MCM9: variants seen among roughly 807,000 people sequenced by gnomAD.
The protein encoded by MCM9 is DNA helicase MCM9.
MCM9 carries 55 observed loss-of-function variants against 72.8 expected under a neutral mutation model. The observed-to-expected ratio is 0.76, with a 90% CI of 0.61 to 0.95. The LOEUF is 0.95. Among genes scored for constraint, MCM9 ranks in the 40% least tolerant of loss-of-function variants. The pLI, the probability that MCM9 is intolerant of heterozygous loss-of-function variation, is 0.00. For missense variants in MCM9, 1,279 were observed against 1,377.0 expected (o/e 0.93, Z 1.13); for synonymous variants, 480 against 503.4 (o/e 0.95, Z 0.62).
chr6:118,883,465 G>A (rs36166681), intron 8 of MCM9, among the ~76,000 whole-genome samples: 122,189 of 151,616 alleles, frequency 0.81, 49,685 homozygotes, highest in East Asian at 0.92. Context: ...GAAAAACAAT[G>A]GACTATACAT....
At position 118,935,156 on chromosome 6, in the gene MCM9, G is replaced by T. The variant is rs1221115230; in HGVS notation, c.-415C>A. ...ACTTCCCTGCCCCGGCGGCTCTTCC[G>T]GATGGAGACGAGGCAGCGGGGCGGG... On this transcript the variant is annotated 5_prime_UTR_variant, in exon 1 of 14. Transcript: ENST00000619706. The T allele has an allele frequency of 1.3e-5, 2 of 152,278 alleles. No homozygotes were observed. Among genetic ancestry groups the T allele is most frequent in the South Asian group, 2.1e-4 (1 of 4,832 alleles). The allele number at this position is 152,278 out of a possible 1,614,324, so 9.4% of individuals were successfully genotyped here. A position where few individuals can be genotyped will look rare whatever the true frequency, so the allele number is the denominator to read the frequency against.
chr6:118,931,643 T>G lies in MCM9; in HGVS notation c.81A>C (p.Leu27=). The change falls in exon 3 of 14, where the codon CTA becomes CTC. Residue 27 remains leucine, a synonymous_variant. Transcript: ENST00000619706. The part of the protein sequence containing the change: ...VSEYHKNDIL[L]ILKERDEDAH... ...CATCTTCATCCCTTTCCTTCAAGAT[T>G]AGAAGAATATCATTCTTATGGTATT... 1 of 1,614,114 alleles carries G rather than the reference T, an allele frequency of 6.2e-7. No homozygotes were observed. The highest frequency in any genetic ancestry group is 8.5e-7 in the Non-Finnish European group (1 of 1,180,002).
chr6:118,911,765 T>A lies in MCM9; in HGVS notation c.1035A>T (p.Glu345Asp). ...GATCCCCAACCAATAAAAGATGAGATTCTCCTAGGAAAAAGCAAATACATG... is the reference window on the plus strand; with the variant it reads ...GATCCCCAACCAATAAAAGATGAGAATCTCCTAGGAAAAAGCAAATACATG... ...TDATGTRVRG[E>D]SHLLLVGDPG... Residue 345 changes from glutamate (E) to aspartate (D), a missense_variant, in exon 8 of 14, where the codon GAA becomes GAT. Coordinates refer to ENST00000619706, the MANE Select transcript of MCM9 (RefSeq NM_017696.3). The A allele has an allele frequency of 6.2e-7, 1 of 1,609,922 alleles. No homozygotes were observed. Among genetic ancestry groups the A allele is most frequent in the East Asian group, 2.2e-5 (1 of 44,794 alleles).
intron 3 of MCM9, among the ~76,000 whole-genome samples, chr6:118,928,018 T>C (rs1405977049): frequency 6.6e-6 from 1 of 152,242 alleles, no homozygotes; most frequent in Non-Finnish European, 1.5e-5. Flanking sequence ...TCAAGACTTC[T>C]GCGCACTTTT....
chr6:118,892,683 G>T, intron 8 of MCM9, among the ~76,000 whole-genome samples: 1 of 152,154 alleles, frequency 6.6e-6, no homozygotes, highest in East Asian at 1.9e-4. Context: ...ACAAAAATCT[G>T]TGTCTATCAC....
At chr6:118,883,241 A>C (rs766275931) in intron 8 of MCM9, among the ~76,000 whole-genome samples, 161 of 152,240 alleles carry the variant, frequency 1.1e-3, no homozygotes, top group Admixed American at 2.5e-3. Flanking sequence ...ATTGCAGAAG[A>C]AAAAGTCAGC....
intron 13 of MCM9, among the ~76,000 whole-genome samples, chr6:118,818,787 A>G (rs552003721): frequency 0.013 from 2,035 of 152,200 alleles, 20 homozygotes; most frequent in Middle Eastern, 0.041. Flanking sequence ...ATTTGTTTGT[A>G]TCCTCTCTTA....
At chr6:118,846,917 C>T (rs1191866988) in intron 9 of MCM9, among the ~76,000 whole-genome samples, 1 of 151,678 alleles carries the variant, frequency 6.6e-6, no homozygotes, top group Admixed American at 6.6e-5. Context: ...AAAAATACTT[C>T]CGTTGATAAA....
chr6:118,932,648 C>T lies in MCM9; in HGVS notation c.-57G>A, dbSNP rs991968961. On this transcript the variant is annotated 5_prime_UTR_variant, in exon 2 of 14. Coordinates refer to ENST00000619706, the MANE Select transcript of MCM9 (RefSeq NM_017696.3). ...AGCCAGTTCTGACATGAATAATTAACAGACTGTCCTTAGAAATTCATACTT... is the reference window on the plus strand; with the variant it reads ...AGCCAGTTCTGACATGAATAATTAATAGACTGTCCTTAGAAATTCATACTT... 4.5e-5 allele frequency: 44 copies of T among 981,470 alleles called. No homozygotes were observed. The highest frequency in any genetic ancestry group is 5.2e-4 in the Middle Eastern group (1 of 1,932). The allele number at this position is 981,470 out of a possible 1,614,324, so 60.8% of individuals were successfully genotyped here.
chr6:118,814,834 T>C lies in MCM9; in HGVS notation c.3422A>G (p.Lys1141Arg). ...FDCDWDEEMR[K>R]KS The stretch of plus-strand genomic sequence containing the variant: ...GAAAGCTTTTCCCAACTATGACTTT[T>C]TTCTCATCTCTTCATCCCAGTCACA... Residue 1141 changes from lysine to arginine, a missense_variant, in exon 14 of 14, where the codon AAA (lysine) becomes AGA (arginine). Lys to Arg is a conservative substitution (Grantham distance 26). Coordinates refer to ENST00000619706, the MANE Select transcript of MCM9 (RefSeq NM_017696.3). The C allele has an allele frequency of 6.7e-7, 1 of 1,497,160 alleles. No individual in the cohort carries two copies. Among genetic ancestry groups the C allele is most frequent in the South Asian group, 1.3e-5 (1 of 75,454 alleles). The allele number at this position is 1,497,160 out of a possible 1,614,324, so 92.7% of individuals were successfully genotyped here.
chr6:118,819,583 T>G (rs986366962), intron 13 of MCM9, among the ~76,000 whole-genome samples: 3 of 152,204 alleles, frequency 2.0e-5, no homozygotes, highest in Non-Finnish European at 4.4e-5. Context: ...GAAATTTTCT[T>G]TTTTTATTGT....
At chr6:118,896,832 T>C (rs974377375) in intron 8 of MCM9, among the ~76,000 whole-genome samples, 3 of 110,020 alleles carry the variant, frequency 2.7e-5, no homozygotes, top group Non-Finnish European at 4.0e-5. Flanking sequence ...AATTAAACTA[T>C]AGAATTTTTT....
intron 9 of MCM9, among the ~76,000 whole-genome samples, chr6:118,841,874 G>A (rs937848846): frequency 8.1e-4 from 118 of 144,986 alleles, no homozygotes; most frequent in African/African-American, 2.9e-3. Context: ...TCGCTCTGTC[G>A]CCTAGGCTGG....
In MCM9 at chr6:118,917,753, G is replaced by A. The variant is rs747776649; in HGVS notation, c.712C>T (p.Leu238Phe). Reference protein sequence around the residue: ...LVDSCKSGDDLTIYGIVMQRW... With the variant: ...LVDSCKSGDDFTIYGIVMQRW... ...TGCATTACAATCCCGTAAATAGTGA[G>A]GTCATCACCTAGGAAAAAGCATCAA... The change falls in exon 6 of 14, where the codon CTC becomes TTC. Residue 238 changes from leucine (L) to phenylalanine (F), a missense_variant. Transcript: ENST00000619706. 9 of 1,613,912 alleles carry A rather than the reference G, an allele frequency of 5.6e-6. 1 individual carries two copies. The African/African-American group carries it at 6.7e-5, about 12-fold the overall frequency.
At chr6:118,898,574 G>A (rs1779595953) in intron 8 of MCM9, among the ~76,000 whole-genome samples, 1 of 151,900 alleles carries the variant, frequency 6.6e-6, no homozygotes. Flanking sequence ...ACAGGCATGT[G>A]CCACCCCTAA....
At position 118,913,381 on chromosome 6, in the gene MCM9, A is replaced by T. The variant is rs373888117; in HGVS notation, c.944T>A (p.Phe315Tyr). 112 of 1,613,960 alleles carry T rather than the reference A, an allele frequency of 6.9e-5. No individual in the cohort carries two copies. Among genetic ancestry groups the T allele is most frequent in the Non-Finnish European group, 8.9e-5 (105 of 1,179,972 alleles). ...AGCAAGCTTTACTAGATACATTCCAAACACTTGAGGGCACAAGCTAGCCAA... is the reference window on the plus strand; with the variant it reads ...AGCAAGCTTTACTAGATACATTCCATACACTTGAGGGCACAAGCTAGCCAA... ...VILASLCPQV[F>Y]GMYLVKLAVA... The change falls in exon 7 of 14, where the codon TTT (phenylalanine) becomes TAT (tyrosine). Residue 315 changes from phenylalanine to tyrosine, a missense_variant. Coordinates refer to ENST00000619706, the MANE Select transcript of MCM9 (RefSeq NM_017696.3).
In MCM9 at chr6:118,878,395, A is replaced by G. The variant is rs1473359905; in HGVS notation, c.1151-21850T>C. ...AATTCAACCCTACATGAAGAAATAA[A>G]ATGCACCAATAAAGATAACTATATA... On this transcript the variant is annotated intron_variant, in intron 8 of 13. Transcript: ENST00000619706. 2.0e-5 allele frequency among the ~76,000 whole-genome samples: 3 copies of G among 152,292 alleles called. No individual in the cohort carries two copies. The East Asian group carries it at 5.8e-4, about 29-fold the overall frequency.
chr6:118,913,911 T>C (rs1780740330), intron 6 of MCM9, among the ~76,000 whole-genome samples: 2 of 152,322 alleles, frequency 1.3e-5, no homozygotes, highest in Admixed American at 1.3e-4. Flanking sequence ...AGCCACCGTA[T>C]GTACTTTCTA....
At chr6:118,886,097 G>C (rs1377423139) in intron 8 of MCM9, among the ~76,000 whole-genome samples, 1 of 149,490 alleles carries the variant, frequency 6.7e-6, no homozygotes, top group Admixed American at 6.6e-5. Flanking sequence ...CATCTCAATA[G>C]AAGCAGGAAA....
Sources: gnomAD v4.1 joint callset for allele counts (sites outside exome capture counted in the v4.1 genomes callset) on GRCh38, gnomAD v4.1.1 for gene constraint, MANE v1.5 for transcripts, NCBI Gene and HGNC (gene_info 2026-07-23, HGNC 2026-07-21) for gene names.